Variants in MEF2C observed in about 807,000 individuals in gnomAD.
MEF2C encodes myocyte enhancer factor 2C, also known as myocyte-specific enhancer factor 2C.
MEF2C carries 6 observed loss-of-function variants against 50.5 expected under a neutral mutation model. That is an observed-to-expected ratio of 0.12 (90% CI 0.07 to 0.23). The LOEUF (loss-of-function observed/expected upper bound fraction) is 0.23, where lower values mean the gene tolerates loss of function less well. Among genes scored for constraint, MEF2C ranks in the 10% least tolerant of loss-of-function variants. MEF2C has a pLI of 1.00. For missense variants in MEF2C, 276 were observed against 605.0 expected, an observed-to-expected ratio of 0.46 and a Z score of 5.70; for synonymous variants, 183 against 228.0, an observed-to-expected ratio of 0.80 and a Z score of 1.78.
intron 1 of MEF2C, among the ~76,000 whole-genome samples, chr5:88,868,490 T>C (rs1175794267): frequency 6.6e-6 from 1 of 152,198 alleles, no homozygotes; most frequent in East Asian, 1.9e-4. Context: ...GGATGTCATG[T>C]ATATTCAAAT....
intron 1 of MEF2C, among the ~76,000 whole-genome samples, chr5:88,846,414 A>G (rs745905742): frequency 7.2e-5 from 11 of 152,196 alleles, no homozygotes; most frequent in Non-Finnish European, 1.5e-4. Flanking sequence ...GCATTTCCCT[A>G]TAATGACAGA....
intron 6 of MEF2C, chr5:88,741,068 T>C (rs1293195007): frequency 1.0e-6 from 1 of 985,322 alleles, no homozygotes; most frequent in Non-Finnish European, 1.2e-6. Context: ...CACTGTACTG[T>C]ACTGCTCTCA....
chr5:88,781,525 A>C (rs1788019030), intron 3 of MEF2C, among the ~76,000 whole-genome samples: 1 of 152,218 alleles, frequency 6.6e-6, no homozygotes, highest in Non-Finnish European at 1.5e-5. Context: ...GTCTGACGCT[A>C]AAATGTGTGT....
intron 6 of MEF2C, chr5:88,746,389 A>G (rs1210338132): frequency 2.2e-6 from 1 of 462,106 alleles, no homozygotes; most frequent in Non-Finnish European, 2.8e-6. Context: ...TATAGGCACA[A>G]AATAAATGTT....
At chr5:88,754,692 C>T (rs1166241652) in intron 4 of MEF2C, among the ~76,000 whole-genome samples, 1 of 152,178 alleles carries the variant, frequency 6.6e-6, no homozygotes, top group Admixed American at 6.5e-5. Flanking sequence ...AACAGATTTA[C>T]CTGCTCCGGT....
At chr5:88,857,366 G>C (rs924681717) in intron 1 of MEF2C, among the ~76,000 whole-genome samples, 8 of 152,154 alleles carry the variant, frequency 5.3e-5, no homozygotes, top group African/African-American at 1.7e-4. Flanking sequence ...CTTTTGATAG[G>C]TGGAAGGGAC....
At chr5:88,824,757 T>A (rs1334230854) in intron 1 of MEF2C, 1 of 151,946 alleles carries the variant, frequency 6.6e-6, no homozygotes, top group African/African-American at 2.4e-5. Flanking sequence ...TGGAGTAAGA[T>A]ACAAAATTGC....
At chr5:88,759,945 C>A (rs563962864) in intron 4 of MEF2C, among the ~76,000 whole-genome samples, 1 of 152,348 alleles carries the variant, frequency 6.6e-6, no homozygotes, top group South Asian at 2.1e-4. Flanking sequence ...TGGCCTCGAA[C>A]TTTGTCCCCA....
intron 2 of MEF2C, among the ~76,000 whole-genome samples, chr5:88,807,975 T>A (rs73770405): frequency 0.022 from 3,296 of 152,318 alleles, 125 homozygotes; most frequent in African/African-American, 0.075. Flanking sequence ...TTATTGATTG[T>A]CTTTCTAAAG....
chr5:88,750,429 A>C (rs553491013), intron 5 of MEF2C, among the ~76,000 whole-genome samples: 22 of 152,142 alleles, frequency 1.4e-4, no homozygotes, highest in African/African-American at 5.3e-4. Flanking sequence ...GCTGGTCTTG[A>C]ATTCCTGGGC....
intron 1 of MEF2C, among the ~76,000 whole-genome samples, chr5:88,888,720 G>GTTT (rs11331197): frequency 0.012 from 1,744 of 143,868 alleles, 15 homozygotes; most frequent in Middle Eastern, 0.031. Context: ...GTATGGTAAG[G>GTTT]TTTTTTTTTT....
At chr5:88,786,304 A>C (rs1474858264) in intron 3 of MEF2C, among the ~76,000 whole-genome samples, 7 of 152,180 alleles carry the variant, frequency 4.6e-5, no homozygotes. Context: ...ACAAGCTGTT[A>C]CTATGTGAAA....
intron 2 of MEF2C, among the ~76,000 whole-genome samples, chr5:88,816,306 C>G (rs1399827519): frequency 6.6e-6 from 1 of 151,864 alleles, no homozygotes; most frequent in African/African-American, 2.4e-5. Flanking sequence ...ATGCACCGAA[C>G]AGGATAAATA....
chr5:88,818,395 T>C (rs981542528), intron 2 of MEF2C, among the ~76,000 whole-genome samples: 2 of 151,644 alleles, frequency 1.3e-5, no homozygotes, highest in Non-Finnish European at 2.9e-5. Flanking sequence ...TGATTAAAAA[T>C]TGGTACCATG....
At chr5:88,804,894 G>T in intron 2 of MEF2C, 93 bp from the exon 3 acceptor site, 1 of 1,009,378 alleles carries the variant, frequency 9.9e-7, no homozygotes, top group Non-Finnish European at 1.5e-6. Context: ...ACAAAACAAT[G>T]GTGTGTAGTT....
intron 1 of MEF2C, chr5:88,826,911 A>C (rs1478735414): frequency 6.6e-6 from 1 of 151,648 alleles, no homozygotes; most frequent in African/African-American, 2.4e-5. Flanking sequence ...ACTAATTTAA[A>C]AAAAAAAAGA....
intron 1 of MEF2C, among the ~76,000 whole-genome samples, chr5:88,892,755 A>G (rs990667524): frequency 3.3e-5 from 5 of 152,132 alleles, no homozygotes; most frequent in Admixed American, 6.5e-5. Flanking sequence ...TCCTCTTTTC[A>G]CCCTGGTTGA....
chr5:88,788,689 A>G (rs1792255620), intron 3 of MEF2C, among the ~76,000 whole-genome samples: 1 of 152,212 alleles, frequency 6.6e-6, no homozygotes, highest in South Asian at 2.1e-4. Context: ...TTTAAATTAT[A>G]TTTATATTTG....
chr5:88,891,355 G>A (rs1343363259), intron 1 of MEF2C, among the ~76,000 whole-genome samples: 2 of 151,006 alleles, frequency 1.3e-5, no homozygotes, highest in Non-Finnish European at 2.9e-5. Context: ...GATATAACTA[G>A]GATGGAATTG....
Sources: allele counts gnomAD v4.1 joint callset (sites outside exome capture counted in the v4.1 genomes callset), GRCh38; gene constraint gnomAD v4.1.1; transcripts MANE v1.5; gene names NCBI Gene and HGNC (gene_info 2026-07-23, HGNC 2026-07-21).